Variants in CNGA3 observed in about 807,000 individuals in gnomAD.
CNGA3 encodes cyclic nucleotide-gated channel alpha-3.
A neutral mutation model predicts 46.6 loss-of-function variants in CNGA3; 42 were observed. The observed-to-expected ratio is 0.90, with a 90% CI of 0.70 to 1.17. The LOEUF is 1.17. CNGA3 is among the 50% of genes most tolerant of loss of function. The probability of loss-of-function intolerance (pLI) is 0.00; values close to 1 mark genes in which losing one functional copy is unlikely to be tolerated. For synonymous variants in CNGA3, 394 were observed against 369.4 expected (o/e 1.07, Z -0.76); for missense variants, 893 against 890.7 (o/e 1.00, Z -0.03).
intron 7 of CNGA3, among the ~76,000 whole-genome samples, chr2:98,395,431 A>C (rs1226003838): frequency 6.6e-6 from 1 of 152,092 alleles, no homozygotes; most frequent in Non-Finnish European, 1.5e-5. Flanking sequence ...CGGCCTCTCA[A>C]AGTACTGGGA....
chr2:98,395,214 G>C (rs1692881863), intron 7 of CNGA3, among the ~76,000 whole-genome samples: 1 of 151,918 alleles, frequency 6.6e-6, no homozygotes, highest in Non-Finnish European at 1.5e-5. Context: ...CTGTTGCCCA[G>C]GCTGGAGTGT....
intron 2 of CNGA3, among the ~76,000 whole-genome samples, chr2:98,372,076 G>A (rs556280340): frequency 1.3e-5 from 2 of 152,328 alleles, no homozygotes; most frequent in South Asian, 2.1e-4. Context: ...ATCTCAGTCC[G>A]GCTCCTTCCG....
intron 1 of CNGA3, among the ~76,000 whole-genome samples, chr2:98,366,692 T>C (rs1574367242): frequency 6.6e-6 from 1 of 152,176 alleles, no homozygotes; most frequent in Admixed American, 6.5e-5. Context: ...TATGGTGCAC[T>C]GTGGGGAATT....
chr2:98,386,679 A>G (rs1279581424), intron 5 of CNGA3, among the ~76,000 whole-genome samples: 2 of 152,212 alleles, frequency 1.3e-5, no homozygotes, highest in African/African-American at 4.8e-5. Flanking sequence ...CTGTAATCAC[A>G]TGAGTCCTTA....
intron 1 of CNGA3, among the ~76,000 whole-genome samples, chr2:98,355,416 C>T (rs1400177534): frequency 6.6e-6 from 1 of 152,148 alleles, no homozygotes; most frequent in Non-Finnish European, 1.5e-5. Context: ...AGAGGACCCT[C>T]AGGTGTAATA....
In CNGA3 at chr2:98,356,834, C is replaced by CCTTT. The variant is rs1394369131; in HGVS notation, c.-38+10300_-38+10301insCTTT. ...CACGTTCAGTCTAGAGCAAGGGGCT[C>CCTTT]GAAATGTTTGGCCCTCCTTTGTAGT... is the stretch of plus-strand genomic sequence containing the variant. On this transcript the variant is annotated intron_variant, in intron 1 of 7. Coordinates refer to ENST00000272602, the MANE Select transcript of CNGA3 (RefSeq NM_001298.3). Among the ~76,000 whole-genome samples the CCTTT allele has an allele frequency of 5.9e-5, 9 of 152,250 alleles. No homozygotes were observed. The South Asian group carries it at 1.2e-3, about 21-fold the overall frequency.
intron 5 of CNGA3, among the ~76,000 whole-genome samples, chr2:98,387,139 G>A (rs186078047): frequency 7.6e-4 from 116 of 152,272 alleles, no homozygotes; most frequent in Non-Finnish European, 1.4e-3. Context: ...GTTTTCCCAC[G>A]TCACTAGCTC....
At chr2:98,360,006 A>G (rs1232019505) in intron 1 of CNGA3, among the ~76,000 whole-genome samples, 1 of 152,178 alleles carries the variant, frequency 6.6e-6, no homozygotes, top group Admixed American at 6.5e-5. Flanking sequence ...ATGTGGCTGG[A>G]GGAGGGCCAG....
At position 98,396,598 on chromosome 2, in the gene CNGA3, G is replaced by A. The variant is rs764609891; in HGVS notation, c.1428G>A (p.Thr476=). ...AEIAINVHLD[T]LKKVRIFQDC... ...TCGCCATCAACGTGCACCTGGACACGCTGAAGAAGGTTCGCATCTTCCAGG... is the reference window on the plus strand; with the variant it reads ...TCGCCATCAACGTGCACCTGGACACACTGAAGAAGGTTCGCATCTTCCAGG... The change falls in exon 8 of 8, where the codon ACG becomes ACA. Residue 476 remains threonine (T), a synonymous_variant. Transcript: ENST00000272602. 6.6e-5 allele frequency: 106 copies of A among 1,613,836 alleles called. No individual in the cohort carries two copies. Among genetic ancestry groups the A allele is most frequent in the Non-Finnish European group, 8.6e-5 (101 of 1,179,960 alleles).
In CNGA3 at chr2:98,395,709, T is replaced by G. The variant is rs1427758175; in HGVS notation, c.674-135T>G. On this transcript the variant is annotated intron_variant, in intron 7 of 7. Coordinates refer to ENST00000272602, the MANE Select transcript of CNGA3 (RefSeq NM_001298.3). ...GCATTTCCTGTAGTAATGGTAAGTG[T>G]TGTTTTTGAAATCATTTCTATTATA... is the stretch of plus-strand genomic sequence containing the variant. 7 of 725,208 alleles carry G rather than the reference T, an allele frequency of 9.7e-6. No individual in the cohort carries two copies. In the East Asian group the frequency reaches 1.9e-4, roughly 20 times the overall value. 44.9% of individuals were successfully genotyped at this position (725,208 alleles called of 1,614,324 possible).
intron 1 of CNGA3, among the ~76,000 whole-genome samples, chr2:98,358,386 A>G (rs776787966): frequency 4.6e-5 from 7 of 152,240 alleles, no homozygotes; most frequent in Non-Finnish European, 1.0e-4. Flanking sequence ...TGGATCTAGC[A>G]AATGAACATC....
At chr2:98,378,102 G>C (rs1285117621) in intron 3 of CNGA3, 2 of 1,550,828 alleles carry the variant, frequency 1.3e-6, no homozygotes, top group Non-Finnish European at 1.7e-6. Flanking sequence ...AAGGTGGTAA[G>C]AGCAGCCAGC....
chr2:98,367,185 C>CT lies in CNGA3; in HGVS notation c.-37-2738dup, dbSNP rs558997785. Among the ~76,000 whole-genome samples, 240 of 95,232 alleles carry CT rather than the reference C, an allele frequency of 2.5e-3. 5 individuals carry two copies. Among genetic ancestry groups the CT allele is most frequent in the South Asian group, 5.7e-3 (18 of 3,142 alleles). 62.5% of individuals were successfully genotyped at this position (95,232 alleles called of 152,430 possible). Reference sequence around the variant, plus strand: ...ATCAGCTGTTTTTTTTCTTTTTTTTCTTTTTTTTTTTTTTTTATTGAGACA... The same window carrying CT: ...ATCAGCTGTTTTTTTTCTTTTTTTTCTTTTTTTTTTTTTTTTTATTGAGACA... On this transcript the variant is annotated intron_variant, in intron 1 of 7. Coordinates refer to ENST00000272602, the MANE Select transcript of CNGA3 (RefSeq NM_001298.3).
intron 1 of CNGA3, among the ~76,000 whole-genome samples, chr2:98,369,008 C>T (rs1692226257): frequency 6.6e-6 from 1 of 152,222 alleles, no homozygotes; most frequent in East Asian, 1.9e-4. Context: ...AGTTGCGAAT[C>T]TTACGACCTC....
Position 98,377,695 on chromosome 2 carries a change from C to T in CNGA3, c.110C>T (p.Ser37Leu), listed in dbSNP as rs141086649. The change falls in exon 3 of 8, where the codon TCG becomes TTG. Residue 37 changes from serine to leucine, a missense_variant. Physicochemically the swap from Ser to Leu is moderately radical, Grantham distance 145. Around this residue, in one of 3 missense-constraint regions of CNGA3, gnomAD observed 333 missense variants for 290.8 expected, o/e 1.15. Coordinates refer to ENST00000272602, the MANE Select transcript of CNGA3 (RefSeq NM_001298.3). ...RAENGLSRAH[S>L]SSEETSSVLQ... ...CATATCTGATTTCCTAGAGCCCACT[C>T]GTCAAGTGAGGAGACATCGTCAGTG... is the stretch of plus-strand genomic sequence containing the variant. 1.3e-4 allele frequency: 210 copies of T among 1,613,034 alleles called. No individual in the cohort carries two copies. The highest frequency in any genetic ancestry group is 1.8e-4 in the Middle Eastern group (1 of 5,652).
chr2:98,352,896 G>A (rs1231118682), intron 1 of CNGA3, among the ~76,000 whole-genome samples: 1 of 152,112 alleles, frequency 6.6e-6, no homozygotes, highest in African/African-American at 2.4e-5. Flanking sequence ...TAAATCATAT[G>A]TATATACAGT....
At chr2:98,359,994 G>T (rs1490859427) in intron 1 of CNGA3, among the ~76,000 whole-genome samples, 2 of 152,250 alleles carry the variant, frequency 1.3e-5, no homozygotes, top group East Asian at 1.9e-4. Context: ...CCTTTGGGAG[G>T]GATGTGGCTG....
intron 6 of CNGA3, 111 bp from the exon 7 acceptor site, chr2:98,391,753 T>C: frequency 4.1e-6 from 4 of 976,662 alleles, no homozygotes; most frequent in South Asian, 4.0e-5. Context: ...GCAGGGCCAT[T>C]CCCATATTAC....
chr2:98,384,646 T>TGTGA (rs1558814858), intron 5 of CNGA3, among the ~76,000 whole-genome samples: 1 of 152,212 alleles, frequency 6.6e-6, no homozygotes, highest in Non-Finnish European at 1.5e-5. Context: ...TGTGTTTGAC[T>TGTGA]TAAAGCCAAA....
Sources: gnomAD v4.1 joint callset for allele counts (sites outside exome capture counted in the v4.1 genomes callset) on GRCh38, gnomAD v4.1.1 for gene constraint, gnomAD v4.1.1 regional missense constraint, MANE v1.5 for transcripts, NCBI Gene and HGNC (gene_info 2026-07-23, HGNC 2026-07-21) for gene names.